NR3C2: variants seen among roughly 807,000 people sequenced by gnomAD.
NR3C2 encodes the protein nuclear receptor subfamily 3 group C member 2, also known as mineralocorticoid receptor.
A neutral mutation model predicts 86.4 loss-of-function variants in NR3C2; 15 were observed. The ratio of observed to expected loss-of-function variants is 0.17; its 90% CI spans 0.12 to 0.27. NR3C2 has a LOEUF of 0.27. Among genes scored for constraint, NR3C2 ranks in the 10% least tolerant of loss-of-function variants. NR3C2 has a pLI of 1.00. For synonymous variants in NR3C2, 458 were observed against 450.5 expected, an observed-to-expected ratio of 1.02 and a Z score of -0.21; for missense variants, 960 against 1,195.6, an observed-to-expected ratio of 0.80 and a Z score of 2.91.
intron 3 of NR3C2, among the ~76,000 whole-genome samples, chr4:148,235,337 A>G (rs1334735458): frequency 6.6e-6 from 1 of 151,160 alleles, no homozygotes; most frequent in Non-Finnish European, 1.5e-5. Flanking sequence ...ATTGAGTAGG[A>G]CATGTCTTAA....
chr4:148,233,099 A>G (rs1016708416), intron 3 of NR3C2, among the ~76,000 whole-genome samples: 36 of 152,344 alleles, frequency 2.4e-4, no homozygotes, highest in African/African-American at 6.5e-4. Context: ...ATCTGTGAAC[A>G]TACAAATTAA....
intron 3 of NR3C2, among the ~76,000 whole-genome samples, chr4:148,238,147 GA>G (rs1389573691): frequency 5.3e-5 from 8 of 152,098 alleles, no homozygotes; most frequent in Non-Finnish European, 1.0e-4. Flanking sequence ...CCTCGCTTAA[GA>G]AGCCCTCAGC....
chr4:148,310,026 A>AT (rs1742830675), intron 2 of NR3C2, among the ~76,000 whole-genome samples: 1 of 152,246 alleles, frequency 6.6e-6, no homozygotes, highest in Non-Finnish European at 1.5e-5. Flanking sequence ...CTTAAAAAAA[A>AT]CTATCCTACT....
intron 2 of NR3C2, among the ~76,000 whole-genome samples, chr4:148,409,271 CTTAA>C (rs1180963951): frequency 6.6e-6 from 1 of 152,078 alleles, no homozygotes. Context: ...GTTTTATTGT[CTTAA>C]TTATGTCTTT....
intron 6 of NR3C2, among the ~76,000 whole-genome samples, chr4:148,148,013 T>C (rs1292240290): frequency 6.6e-6 from 1 of 152,222 alleles, no homozygotes; most frequent in Non-Finnish European, 1.5e-5. Flanking sequence ...GTTCAACATT[T>C]TTAACTTTAG....
chr4:148,334,976 G>A (rs1309278797), intron 2 of NR3C2, among the ~76,000 whole-genome samples: 1 of 152,052 alleles, frequency 6.6e-6, no homozygotes, highest in East Asian at 1.9e-4. Flanking sequence ...TGACATTCTC[G>A]CTCCGTGGGT....
rs773405588 is a variant in NR3C2 at position 148,436,809 on chromosome 4, G to A, written c.52C>T (p.Arg18Trp). The A allele has an allele frequency of 1.9e-5, 30 of 1,612,760 alleles. No homozygotes were observed. Among genetic ancestry groups the A allele is most frequent in the African/African-American group, 2.7e-5 (2 of 74,898 alleles). Residue 18 changes from arginine to tryptophan, a missense_variant, in exon 2 of 9, where the codon CGG becomes TGG. Physicochemically the swap from Arg to Trp is moderately radical, Grantham distance 101 (BLOSUM62 -3). Coordinates refer to ENST00000358102, the MANE Select transcript of NR3C2 (RefSeq NM_000901.5). ...ACAGCCTGAGAAACTTGACCCCACC[G>A]TCTTTCCATATCTAGACCTTCAGGG... ...SLPEGLDMER[R>W]WGQVSQAVER...
At chr4:148,134,855 GC>G in intron 6 of NR3C2, among the ~76,000 whole-genome samples, 1 of 150,388 alleles carries the variant, frequency 6.6e-6, no homozygotes, top group South Asian at 2.1e-4. Flanking sequence ...TGGGGTTTCC[GC>G]ATGTTGGCCA....
At chr4:148,412,158 G>A (rs1028362506) in intron 2 of NR3C2, among the ~76,000 whole-genome samples, 1 of 152,102 alleles carries the variant, frequency 6.6e-6, no homozygotes. Flanking sequence ...AGCACATCAC[G>A]ACTGAGACTC....
At chr4:148,226,892 G>C (rs983557709) in intron 3 of NR3C2, among the ~76,000 whole-genome samples, 1 of 152,142 alleles carries the variant, frequency 6.6e-6, no homozygotes, top group African/African-American at 2.4e-5. Context: ...GGTTAAGCCT[G>C]TCTTTAAGTC....
intron 4 of NR3C2, among the ~76,000 whole-genome samples, chr4:148,162,296 G>T (rs1734695835): frequency 6.6e-6 from 1 of 152,178 alleles, no homozygotes; most frequent in Non-Finnish European, 1.5e-5. Context: ...ATGCTTCTGA[G>T]GTTCTTCTGG....
intron 2 of NR3C2, among the ~76,000 whole-genome samples, chr4:148,393,194 AT>A (rs1331183349): frequency 4.6e-5 from 7 of 152,214 alleles, no homozygotes; most frequent in Admixed American, 4.6e-4. Flanking sequence ...GGGAAATGAA[AT>A]AAATGTGAAC....
intron 2 of NR3C2, among the ~76,000 whole-genome samples, chr4:148,280,769 A>G (rs1037872564): frequency 1.3e-5 from 2 of 152,154 alleles, no homozygotes; most frequent in East Asian, 3.8e-4. Context: ...AGCCTCCCAC[A>G]TGTGGGGATT....
intron 4 of NR3C2, among the ~76,000 whole-genome samples, chr4:148,189,586 G>A (rs1736100198): frequency 6.6e-6 from 1 of 152,138 alleles, no homozygotes; most frequent in Non-Finnish European, 1.5e-5. Flanking sequence ...GTGGAATAGT[G>A]TCAAAAGGAT....
chr4:148,191,865 T>C (rs1013477278), intron 4 of NR3C2, among the ~76,000 whole-genome samples: 3 of 152,234 alleles, frequency 2.0e-5, no homozygotes, highest in African/African-American at 4.8e-5. Context: ...GCTATCTATT[T>C]CCATGAATAT....
At chr4:148,251,577 C>A (rs938033415) in intron 3 of NR3C2, among the ~76,000 whole-genome samples, 1 of 152,142 alleles carries the variant, frequency 6.6e-6, no homozygotes, top group African/African-American at 2.4e-5. Flanking sequence ...ATGAGGAAGG[C>A]CATTCTCCCA....
At position 148,114,095 on chromosome 4, in the gene NR3C2, T is replaced by C. The variant is rs1732165978; in HGVS notation, c.2799+9A>G. 6.2e-7 allele frequency: 1 copy of C among 1,612,550 alleles called. No individual in the cohort carries two copies. The highest frequency in any genetic ancestry group is 8.5e-7 in the Non-Finnish European group (1 of 1,179,718). Reference sequence around the variant, plus strand: ...CTTCACTTAGGAACCAAGGAGGGGCTCTACTCACGTCATGCATGGAGTCCA... The same window carrying C: ...CTTCACTTAGGAACCAAGGAGGGGCCCTACTCACGTCATGCATGGAGTCCA... On this transcript the variant is annotated intron_variant, in intron 8 of 8. Transcript: ENST00000358102.
chr4:148,401,901 C>G (rs1231930041), intron 2 of NR3C2, among the ~76,000 whole-genome samples: 1 of 152,166 alleles, frequency 6.6e-6, no homozygotes, highest in Non-Finnish European at 1.5e-5. Context: ...CCCATGCCAG[C>G]AACCAGCTTT....
intron 2 of NR3C2, among the ~76,000 whole-genome samples, chr4:148,382,712 T>C (rs1026135867): frequency 2.6e-5 from 4 of 152,228 alleles, no homozygotes; most frequent in Non-Finnish European, 1.5e-5. Context: ...ATGCTATATA[T>C]AGCAGTAATC....
Sources: gnomAD v4.1 joint callset for allele counts (sites outside exome capture counted in the v4.1 genomes callset) on GRCh38, gnomAD v4.1.1 for gene constraint, MANE v1.5 for transcripts, NCBI Gene and HGNC (gene_info 2026-07-23, HGNC 2026-07-21) for gene names.